The following LTBP1 variants were observed in gnomAD, a reference collection of about 807,000 sequenced individuals.
LTBP1 encodes latent transforming growth factor beta binding protein 1.
LTBP1 carries 129 observed loss-of-function variants against 207.6 expected under a neutral mutation model. The observed-to-expected ratio is 0.62, with a 90% CI of 0.54 to 0.72. LTBP1 has a LOEUF of 0.72. Ranked by LOEUF, LTBP1 falls within the 30% of genes least tolerant of loss-of-function variation. The pLI is 0.00. For synonymous variants in LTBP1, 963 were observed against 833.7 expected, an observed-to-expected ratio of 1.16 and a Z score of -2.67; for missense variants, 2,281 against 2,217.2, an observed-to-expected ratio of 1.03 and a Z score of -0.58.
chr2:33,352,908 A>G (rs978366657), intron 26 of LTBP1, among the ~76,000 whole-genome samples: 1 of 151,492 alleles, frequency 6.6e-6, no homozygotes, highest in Non-Finnish European at 1.5e-5. Context: ...CGCTTTCCCA[A>G]GATGATGACT....
chr2:33,236,122 C>T (rs919403631), intron 9 of LTBP1, among the ~76,000 whole-genome samples: 4 of 152,156 alleles, frequency 2.6e-5, no homozygotes, highest in Non-Finnish European at 4.4e-5. Flanking sequence ...AGAAAACCAA[C>T]AGGTAAGAAC....
At chr2:33,302,230 C>G (rs1012962023) in intron 22 of LTBP1, among the ~76,000 whole-genome samples, 5 of 152,208 alleles carry the variant, frequency 3.3e-5, no homozygotes, top group African/African-American at 1.2e-4. Flanking sequence ...ACTTTTACCA[C>G]CGGTCTGTCA....
chr2:33,390,889 A>G (rs2095309265), intron 32 of LTBP1, among the ~76,000 whole-genome samples: 1 of 152,094 alleles, frequency 6.6e-6, no homozygotes, highest in African/African-American at 2.4e-5. Context: ...GGGCCCTGTC[A>G]CCTGTGCACG....
intron 3 of LTBP1, among the ~76,000 whole-genome samples, chr2:33,051,062 G>GT (rs2076714793): frequency 1.3e-5 from 2 of 152,124 alleles, no homozygotes; most frequent in Admixed American, 1.3e-4. Context: ...AATGAGCATG[G>GT]TAATTCTTCA....
At chr2:33,337,570 G>A (rs77969817) in intron 24 of LTBP1, among the ~76,000 whole-genome samples, 3,533 of 152,216 alleles carry the variant, frequency 0.023, 70 homozygotes, top group Non-Finnish European at 0.037. Context: ...CAACACTTGC[G>A]TGATGAATCA....
At chr2:32,975,657 G>T (rs1681652993) in intron 2 of LTBP1, among the ~76,000 whole-genome samples, 1 of 114,382 alleles carries the variant, frequency 8.7e-6, no homozygotes, top group African/African-American at 3.3e-5. Flanking sequence ...CAGTGTTCAG[G>T]CTCTGAGATT....
chr2:33,091,368 C>G (rs200127103), intron 3 of LTBP1, among the ~76,000 whole-genome samples: 1 of 152,006 alleles, frequency 6.6e-6, no homozygotes, highest in East Asian at 1.9e-4. Context: ...TAACAGAGAC[C>G]CTTTGAGTTC....
intron 2 of LTBP1, among the ~76,000 whole-genome samples, chr2:32,965,012 C>T (rs1275049384): frequency 9.9e-5 from 15 of 152,038 alleles, no homozygotes; most frequent in Admixed American, 7.2e-4. Context: ...TGCACTCCAG[C>T]CTGGCGACAG....
At chr2:33,374,108 T>A (rs944323483) in intron 31 of LTBP1, among the ~76,000 whole-genome samples, 2 of 152,198 alleles carry the variant, frequency 1.3e-5, no homozygotes, top group Admixed American at 6.5e-5. Flanking sequence ...ATTTGACTCA[T>A]GGACTAAACT....
rs185486986 is a variant in LTBP1, at chr2:33,030,546, G to A, written c.863+9340G>A. 4.6e-5 allele frequency among the ~76,000 whole-genome samples: 7 copies of A among 152,330 alleles called. 1 individual carries two copies. In the East Asian group the frequency reaches 1.3e-3, roughly 29 times the overall value. On this transcript the variant is annotated intron_variant, in intron 3 of 33. Transcript: ENST00000404816. ...TTTAACGTCTTGAAAGGTGAAAGGT[G>A]ACCTGTGAGTCTAAACAGTTGGAAA...
At chr2:33,255,319 A>G (rs1344644131) in intron 11 of LTBP1, among the ~76,000 whole-genome samples, 2 of 152,118 alleles carry the variant, frequency 1.3e-5, no homozygotes, top group Admixed American at 6.5e-5. Context: ...AATCATTAAA[A>G]AGTCAGGAAA....
At chr2:33,375,537 G>A (rs1313686480) in intron 31 of LTBP1, among the ~76,000 whole-genome samples, 2 of 151,850 alleles carry the variant, frequency 1.3e-5, no homozygotes, top group Admixed American at 6.6e-5. Context: ...TTGTTTGTTT[G>A]TTTATTTTGA....
intron 3 of LTBP1, among the ~76,000 whole-genome samples, chr2:33,092,703 G>A (rs965678606): frequency 1.3e-5 from 2 of 152,150 alleles, no homozygotes; most frequent in African/African-American, 4.8e-5. Flanking sequence ...TAAATGGAAG[G>A]AGTATTTGAG....
intron 7 of LTBP1, among the ~76,000 whole-genome samples, chr2:33,203,751 T>C (rs1441497075): frequency 6.6e-6 from 1 of 152,206 alleles, no homozygotes; most frequent in Admixed American, 6.5e-5. Context: ...CTCCTGTTCC[T>C]ACATAGGAAT....
chr2:33,382,824 C>G (rs1423300991), intron 31 of LTBP1, among the ~76,000 whole-genome samples: 3 of 152,152 alleles, frequency 2.0e-5, no homozygotes, highest in African/African-American at 7.2e-5. Context: ...CATCACAACA[C>G]CACATATTTT....
intron 31 of LTBP1, among the ~76,000 whole-genome samples, chr2:33,386,006 A>G (rs2095262579): frequency 1.3e-5 from 2 of 152,144 alleles, no homozygotes. Context: ...GAAAGGAAGG[A>G]GGATGTGGAA....
chr2:32,969,387 C>T (rs538639765), intron 2 of LTBP1, among the ~76,000 whole-genome samples: 1 of 152,144 alleles, frequency 6.6e-6, no homozygotes, highest in East Asian at 1.9e-4. Context: ...GAGGAATAAG[C>T]ACAGTACCTA....
chr2:33,000,519 G>T (rs1181029604), intron 2 of LTBP1, among the ~76,000 whole-genome samples: 1 of 135,076 alleles, frequency 7.4e-6, no homozygotes, highest in Admixed American at 7.5e-5. Context: ...TAAACTGCAT[G>T]CTGTTTGCAA....
intron 2 of LTBP1, among the ~76,000 whole-genome samples, chr2:33,014,740 AG>A (rs1214141063): frequency 2.6e-5 from 4 of 152,232 alleles, no homozygotes; most frequent in African/African-American, 9.6e-5. Context: ...AAAGAACTCT[AG>A]GATCAGCTTG....
Sources: allele counts gnomAD v4.1 joint callset (sites outside exome capture counted in the v4.1 genomes callset), GRCh38; gene constraint gnomAD v4.1.1; transcripts MANE v1.5; gene names NCBI Gene and HGNC (gene_info 2026-07-23, HGNC 2026-07-21).